Variants in NLRC3 observed in about 807,000 individuals in gnomAD.
The protein encoded by NLRC3 is NLR family CARD domain-containing protein 3.
In NLRC3, 87 loss-of-function variants were observed where a neutral mutation model predicts 91.6. The observed-to-expected ratio is 0.95, with a 90% CI of 0.80 to 1.14. The LOEUF is 1.14. Ranked by LOEUF, NLRC3 falls within the 50% of genes most tolerant of loss-of-function variation. The pLI is 0.00. For synonymous variants in NLRC3, 694 were observed against 625.3 expected (o/e 1.11, Z -1.64); for missense variants, 1,577 against 1,418.6 (o/e 1.11, Z -1.79).
Position 3,563,580 on chromosome 16 carries a change from A to G in NLRC3, c.1357T>C (p.Phe453Leu). 6.2e-7 allele frequency: 1 copy of G among 1,612,836 alleles called. No individual in the cohort carries two copies. ...AACTCCTGCAGGGACAGGTGGGTGA[A>G]GCAGTAGGCCACTGACGATGCCAAC... is the stretch of plus-strand genomic sequence containing the variant. ...ETLASSVAYC[F>L]THLSLQEFVA... The change falls in exon 5 of 20, where the codon TTC (phenylalanine) becomes CTC (leucine). Residue 453 changes from phenylalanine (F) to leucine (L), a missense_variant. By Grantham distance (22) the Phe-to-Leu change is conservative. Coordinates refer to ENST00000359128, the MANE Select transcript of NLRC3 (RefSeq NM_178844.4).
chr16:3,554,210 A>C (rs776493373), intron 9 of NLRC3, 32 bp downstream of exon 9: 1 of 1,510,798 alleles, frequency 6.6e-7, no homozygotes, highest in Non-Finnish European at 9.2e-7. Context: ...GAGAAGGGAG[A>C]GAAGGGGGAG....
Position 3,557,590 on chromosome 16 carries a change from T to G in NLRC3, c.2099+3A>C. ...AAGTTCGGCCTTGGTTGTCCTTACT[T>G]ACTCCAGAGAGGTCAGACTTCTGTT... On this transcript the variant is annotated splice_donor_region_variant and intron_variant, in intron 7 of 19. Transcript: ENST00000359128. The G allele has an allele frequency of 6.2e-7, 1 of 1,606,142 alleles. No individual in the cohort carries two copies. Among genetic ancestry groups the G allele is most frequent in the Non-Finnish European group, 8.5e-7 (1 of 1,173,266 alleles).
intron 6 of NLRC3, 39 bp from the exon 7 acceptor site, chr16:3,557,715 T>C (rs1378228607): frequency 1.4e-5 from 18 of 1,320,624 alleles, no homozygotes; most frequent in Non-Finnish European, 2.0e-5. Context: ...ATTTTAGGCA[T>C]GCACATCTCA....
Position 3,539,641 on chromosome 16 carries a change from C to G in NLRC3, c.*2184G>C, listed in dbSNP as rs1029311047. On this transcript the variant is annotated 3_prime_UTR_variant, in exon 20 of 20. Coordinates refer to ENST00000359128, the MANE Select transcript of NLRC3 (RefSeq NM_178844.4). ...CAATGCAAACCAGCAGACAGAGCAT[C>G]ACCTTGAAAGTACTAAAACAGCTGT... The G allele has an allele frequency of 2.0e-5, 3 of 152,200 alleles. No individual in the cohort carries two copies. The highest frequency in any genetic ancestry group is 6.5e-5 in the Admixed American group (1 of 15,280). The allele number at this position is 152,200 out of a possible 1,614,324, so 9.4% of individuals were successfully genotyped here.
Position 3,539,771 on chromosome 16 carries a change from C to T in NLRC3, c.*2054G>A, listed in dbSNP as rs1377343152. 6.6e-6 allele frequency: 1 copy of T among 152,226 alleles called. No individual in the cohort carries two copies. The highest frequency in any genetic ancestry group is 1.5e-5 in the Non-Finnish European group (1 of 68,028). The allele number at this position is 152,226 out of a possible 1,614,324, so 9.4% of individuals were successfully genotyped here. ...AATGTTTTGTTTTATTTCCCAGCTACTACAAGTGATCCAAATGTTCTTTAT... is the reference window on the plus strand; with the variant it reads ...AATGTTTTGTTTTATTTCCCAGCTATTACAAGTGATCCAAATGTTCTTTAT... On this transcript the variant is annotated 3_prime_UTR_variant, in exon 20 of 20. Coordinates refer to ENST00000359128, the MANE Select transcript of NLRC3 (RefSeq NM_178844.4).
rs761546689 is a variant in NLRC3, at chr16:3,564,905, C to T, written c.132G>A (p.Gln44=). ...GKGSQGSQAP[Q]ALDRTPDAPL... is the part of the protein sequence containing the mutation. ...GGGCATCCGGTGTCCTATCCAGGGCCTGCGGGGCCTGGGAGCCTTGACTGC... is the reference window on the plus strand; with the variant it reads ...GGGCATCCGGTGTCCTATCCAGGGCTTGCGGGGCCTGGGAGCCTTGACTGC... Residue 44 remains glutamine (Q), a synonymous_variant, in exon 4 of 20, where the codon CAG becomes CAA. Coordinates refer to ENST00000359128, the MANE Select transcript of NLRC3 (RefSeq NM_178844.4). This position sits in a 1 kb window ranked among gnomAD's most constrained non-coding sequence, Gnocchi z 5.9. 1.2e-6 allele frequency: 2 copies of T among 1,610,034 alleles called. No individual in the cohort carries two copies. The highest frequency in any genetic ancestry group is 1.7e-4 in the Middle Eastern group (1 of 6,058).
chr16:3,564,287 A>G lies in NLRC3; in HGVS notation c.650T>C (p.Ile217Thr). The G allele has an allele frequency of 6.2e-7, 1 of 1,612,080 alleles. No homozygotes were observed. Among genetic ancestry groups the G allele is most frequent in the Non-Finnish European group, 8.5e-7 (1 of 1,179,668 alleles). ...CCTGCACTCATCCAAGCCGTCCAGG[A>G]TCAGGAGGGCCCTGGCTGGGACTGC... ...AVAVPARALL[I>T]LDGLDECRTP... The change falls in exon 5 of 20, where the codon ATC (isoleucine) becomes ACC (threonine). Residue 217 changes from isoleucine (I) to threonine (T), a missense_variant. Ile to Thr is a moderately conservative substitution (Grantham distance 89, BLOSUM62 -1). Coordinates refer to ENST00000359128, the MANE Select transcript of NLRC3 (RefSeq NM_178844.4). This position sits in a 1 kb window ranked among gnomAD's most constrained non-coding sequence, Gnocchi z 5.9.
intron 1 of NLRC3, among the ~76,000 whole-genome samples, chr16:3,575,877 C>T (rs1243511591): frequency 1.3e-5 from 2 of 152,208 alleles, no homozygotes; most frequent in African/African-American, 2.4e-5. Flanking sequence ...TGCTTGGATG[C>T]TCCTCTCTTC....
Position 3,539,084 on chromosome 16 carries a change from C to T in NLRC3, c.*2741G>A, listed in dbSNP as rs555871704. On this transcript the variant is annotated 3_prime_UTR_variant, in exon 20 of 20. Coordinates refer to ENST00000359128, the MANE Select transcript of NLRC3 (RefSeq NM_178844.4). ...TAGTAGTTATCAAGAACAAAGTCCT[C>T]GGACTTCTGATGGGAAATCTGAACT... 7 of 152,192 alleles carry T rather than the reference C, an allele frequency of 4.6e-5. No homozygotes were observed. The highest frequency in any genetic ancestry group is 7.3e-5 in the Non-Finnish European group (5 of 68,036). The allele number at this position is 152,192 out of a possible 1,614,324, so 9.4% of individuals were successfully genotyped here.
intron 1 of NLRC3, among the ~76,000 whole-genome samples, chr16:3,569,563 T>A (rs2151106071): frequency 6.6e-6 from 1 of 151,630 alleles, no homozygotes; most frequent in African/African-American, 2.4e-5. Flanking sequence ...CATGCCTGGC[T>A]AATTTTTGTA....
intron 16 of NLRC3, chr16:3,543,764 C>G: frequency 1.9e-6 from 1 of 517,160 alleles, no homozygotes; most frequent in South Asian, 2.2e-5. Flanking sequence ...CCTGTACCTC[C>G]TCATTACTAC....
Position 3,544,227 on chromosome 16 carries a change from G to C in NLRC3, c.2855+19C>G. The C allele has an allele frequency of 6.7e-7, 1 of 1,494,418 alleles. No individual in the cohort carries two copies. The highest frequency in any genetic ancestry group is 9.3e-7 in the Non-Finnish European group (1 of 1,071,028). The allele number at this position is 1,494,418 out of a possible 1,614,324, so 92.6% of individuals were successfully genotyped here. A position where few individuals can be genotyped will look rare whatever the true frequency, so the allele number is the denominator to read the frequency against. On this transcript the variant is annotated intron_variant, in intron 16 of 19. Coordinates refer to ENST00000359128, the MANE Select transcript of NLRC3 (RefSeq NM_178844.4). ...CGAAGGGACCGGTTTCCTGACTGCT[G>C]CGCACATCTAGGACTTACTAGAGAG...
chr16:3,558,737 G>T (rs896160550), intron 6 of NLRC3, among the ~76,000 whole-genome samples: 4 of 152,074 alleles, frequency 2.6e-5, no homozygotes, highest in Non-Finnish European at 5.9e-5. Flanking sequence ...TCAGCCCCAT[G>T]GGATATAGTA....
At chr16:3,553,361 C>T (rs1277827092) in intron 9 of NLRC3, among the ~76,000 whole-genome samples, 3 of 152,254 alleles carry the variant, frequency 2.0e-5, no homozygotes, top group African/African-American at 7.2e-5. Flanking sequence ...GTCCCTCCTT[C>T]CCTGCCTTCG....
At chr16:3,560,920 A>G (rs2039580215) in intron 6 of NLRC3, among the ~76,000 whole-genome samples, 1 of 151,768 alleles carries the variant, frequency 6.6e-6, no homozygotes, top group South Asian at 2.1e-4. Flanking sequence ...CGGCCTCCCA[A>G]AGTGCTGGGA....
At chr16:3,567,598 A>G (rs79519901) in intron 1 of NLRC3, among the ~76,000 whole-genome samples, 4,122 of 151,346 alleles carry the variant, frequency 0.027, 167 homozygotes, top group African/African-American at 0.089. Context: ...ACATGGTGCA[A>G]CCCCATCTCT....
chr16:3,561,056 T>G (rs969651927), intron 6 of NLRC3, among the ~76,000 whole-genome samples: 2 of 152,086 alleles, frequency 1.3e-5, no homozygotes, highest in African/African-American at 4.8e-5. Flanking sequence ...AAAATTTTAA[T>G]TAAAAATGCA....
intron 15 of NLRC3, 124 bp from the exon 16 acceptor site, chr16:3,544,453 C>T: frequency 1.5e-6 from 1 of 668,866 alleles, no homozygotes; most frequent in South Asian, 1.7e-5. Context: ...CCAGGGTTTC[C>T]TGGGGATAAC....
intron 6 of NLRC3, among the ~76,000 whole-genome samples, chr16:3,560,865 TAGTC>T (rs1052434868): frequency 4.0e-5 from 6 of 151,678 alleles, no homozygotes; most frequent in Non-Finnish European, 5.9e-5. Context: ...TTCACCGTGT[TAGTC>T]AGGATGGTCT....
Sources: allele counts gnomAD v4.1 joint callset (sites outside exome capture counted in the v4.1 genomes callset), GRCh38; gene constraint gnomAD v4.1.1; non-coding constraint Gnocchi (gnomAD v3.1); transcripts MANE v1.5; gene names NCBI Gene and HGNC (gene_info 2026-07-23, HGNC 2026-07-21).